LDLRAD2: variants seen among roughly 807,000 people sequenced by gnomAD.
LDLRAD2 encodes low density lipoprotein receptor class A domain containing 2, also known as low-density lipoprotein receptor class A domain-containing protein 2.
In LDLRAD2, 25 loss-of-function variants were observed where a neutral mutation model predicts 24.9. The observed-to-expected ratio is 1.00, with a 90% CI of 0.73 to 1.40. The LOEUF (loss-of-function observed/expected upper bound fraction) is 1.40, where lower values mean the gene tolerates loss of function less well. Ranked by LOEUF, LDLRAD2 falls within the 40% of genes most tolerant of loss-of-function variation. LDLRAD2 has a pLI of 0.00. For missense variants in LDLRAD2, 391 were observed against 366.2 expected (o/e 1.07, Z -0.55); for synonymous variants, 182 against 166.7 (o/e 1.09, Z -0.71).
intron 3 of LDLRAD2, among the ~76,000 whole-genome samples, chr1:21,819,387 A>G (rs2152678744): frequency 6.6e-6 from 1 of 152,114 alleles, no homozygotes; most frequent in East Asian, 1.9e-4. Flanking sequence ...AAAAGTTATT[A>G]TTAGTAACTT....
rs778244800 is a variant in LDLRAD2 at position 21,814,413 on chromosome 1, T to G, written c.101T>G (p.Leu34Arg). 45 of 1,601,860 alleles carry G rather than the reference T, an allele frequency of 2.8e-5. No individual in the cohort carries two copies. Among genetic ancestry groups the G allele is most frequent in the Non-Finnish European group, 3.7e-5 (44 of 1,173,932 alleles). The change falls in exon 2 of 5, where the codon CTG becomes CGG. Residue 34 changes from leucine to arginine, a missense_variant. By Grantham distance (102) the Leu-to-Arg change is moderately radical. Transcript: ENST00000344642. ...TCCGCTGCAGCCGACCTGGCGGAAC[T>G]GTGCGGGCAGACGTGGCAGGGGGAC... ...TALETADLAE[L>R]CGQTWQGDGL...
At chr1:21,815,031 G>T (rs1326234844) in intron 2 of LDLRAD2, among the ~76,000 whole-genome samples, 1 of 152,146 alleles carries the variant, frequency 6.6e-6, no homozygotes, top group African/African-American at 2.4e-5. Context: ...GATCCTAAGA[G>T]CCAACCATAT....
rs2097941708 is a variant in LDLRAD2, at chr1:21,814,497, C to T, written c.185C>T (p.Thr62Ile). The T allele has an allele frequency of 6.2e-7, 1 of 1,612,624 alleles. No homozygotes were observed. Among genetic ancestry groups the T allele is most frequent in the East Asian group, 2.2e-5 (1 of 44,850 alleles). ...SRRFYFVAPD[T>I]DCGLWVQAAA... Reference sequence around the variant, plus strand: ...AGGTTCTACTTCGTGGCTCCGGACACCGACTGCGGGCTCTGGGTGCAGGCG... The same window carrying T: ...AGGTTCTACTTCGTGGCTCCGGACATCGACTGCGGGCTCTGGGTGCAGGCG... Residue 62 changes from threonine to isoleucine, a missense_variant, in exon 2 of 5, where the codon ACC (threonine) becomes ATC (isoleucine). Physicochemically the swap from Thr to Ile is moderately conservative, Grantham distance 89 (BLOSUM62 -1). Transcript: ENST00000344642.
chr1:21,814,241 A>T (rs899213545), intron 1 of LDLRAD2, among the ~76,000 whole-genome samples, 157 bp from the exon 2 acceptor site: 1 of 152,210 alleles, frequency 6.6e-6, no homozygotes, highest in Non-Finnish European at 1.5e-5. Context: ...AATCCTTACA[A>T]TCATTCTGAG....
Position 21,822,283 on chromosome 1 carries a change from A to C in LDLRAD2, c.*68A>C. The stretch of plus-strand genomic sequence containing the variant: ...CCGTTTATTAAGAAAAATCAAGACA[A>C]AGACCACAGGAGGGTCCCTTCTAGG... On this transcript the variant is annotated 3_prime_UTR_variant, in exon 5 of 5. Transcript: ENST00000344642. The C allele has an allele frequency of 2.0e-6, 3 of 1,507,668 alleles. No individual in the cohort carries two copies. The highest frequency in any genetic ancestry group is 2.8e-6 in the Non-Finnish European group (3 of 1,084,020). The allele number at this position is 1,507,668 out of a possible 1,614,324, so 93.4% of individuals were successfully genotyped here.
Position 21,823,329 on chromosome 1 carries a change from G to A in LDLRAD2, c.*1114G>A, listed in dbSNP as rs774279128. 2 of 1,539,768 alleles carry A rather than the reference G, an allele frequency of 1.3e-6. No individual in the cohort carries two copies. Among genetic ancestry groups the A allele is most frequent in the Admixed American group, 2.0e-5 (1 of 51,124 alleles). On this transcript the variant is annotated 3_prime_UTR_variant, in exon 5 of 5. Coordinates refer to ENST00000344642, the MANE Select transcript of LDLRAD2 (RefSeq NM_001013693.3). ...GCAGGCAGGTGCCTACGAGGGGCAG[G>A]GGCGTGTGTTGGCCCCGGCCTGGGC... is the stretch of plus-strand genomic sequence containing the variant.
chr1:21,824,905 G>A lies in LDLRAD2; in HGVS notation c.*2690G>A. Reference sequence around the variant, plus strand: ...GGGGGCTCCGAGCCTGCAGTCCCTGGGGACCCACGGGGGCTGCCAACAGAA... The same window carrying A: ...GGGGGCTCCGAGCCTGCAGTCCCTGAGGACCCACGGGGGCTGCCAACAGAA... On this transcript the variant is annotated 3_prime_UTR_variant, in exon 5 of 5. Coordinates refer to ENST00000344642, the MANE Select transcript of LDLRAD2 (RefSeq NM_001013693.3). This position sits in a 1 kb window ranked among gnomAD's most constrained non-coding sequence, Gnocchi z 5.9. 1 of 835,212 alleles carries A rather than the reference G, an allele frequency of 1.2e-6. No individual in the cohort carries two copies. Among genetic ancestry groups the A allele is most frequent in the Non-Finnish European group, 2.0e-6 (1 of 497,856 alleles). 51.7% of individuals were successfully genotyped at this position (835,212 alleles called of 1,614,324 possible). A position where few individuals can be genotyped will look rare whatever the true frequency, so the allele number is the denominator to read the frequency against.
chr1:21,817,939 T>C lies in LDLRAD2; in HGVS notation c.643+1865T>C, dbSNP rs550236450. 2.2e-3 allele frequency among the ~76,000 whole-genome samples: 332 copies of C among 152,006 alleles called. 1 individual carries two copies. Among genetic ancestry groups the C allele is most frequent in the African/African-American group, 7.7e-3 (318 of 41,506 alleles). On this transcript the variant is annotated intron_variant, in intron 3 of 4. Coordinates refer to ENST00000344642, the MANE Select transcript of LDLRAD2 (RefSeq NM_001013693.3). ...CTAGGCTAGACAGACTGCAGTGGCG[T>C]GATCTCGGCTCACTGCAACCTCTGC...
chr1:21,824,448 G>T lies in LDLRAD2; in HGVS notation c.*2233G>T. 1 of 1,602,260 alleles carries T rather than the reference G, an allele frequency of 6.2e-7. No individual in the cohort carries two copies. Among genetic ancestry groups the T allele is most frequent in the South Asian group, 1.1e-5 (1 of 90,874 alleles). On this transcript the variant is annotated 3_prime_UTR_variant, in exon 5 of 5. Transcript: ENST00000344642. This position sits in a 1 kb window ranked among gnomAD's most constrained non-coding sequence, Gnocchi z 5.9. ...GAGGCTGCCGAGGCCAGGGGGCTCTGCTTTCCCCTCCCCCCACCACTCCGG... is the reference window on the plus strand; with the variant it reads ...GAGGCTGCCGAGGCCAGGGGGCTCTTCTTTCCCCTCCCCCCACCACTCCGG...
chr1:21,821,449 G>C lies in LDLRAD2; in HGVS notation c.644-1G>C. The C allele has an allele frequency of 6.2e-7, 1 of 1,614,104 alleles. No homozygotes were observed. Among genetic ancestry groups the C allele is most frequent in the Non-Finnish European group, 8.5e-7 (1 of 1,180,002 alleles). On this transcript the variant is annotated splice_acceptor_variant, in intron 3 of 4. Coordinates refer to ENST00000344642, the MANE Select transcript of LDLRAD2 (RefSeq NM_001013693.3). LOFTEE classifies it high-confidence loss of function. ...TGCTAGTTCTGTTCTTTCCCATGCA[G>C]GTCCCTCTCCGGTGCCCAGCCAGAC...
intron 1 of LDLRAD2, 37 bp from the exon 2 acceptor site, chr1:21,814,361 C>T: frequency 6.6e-7 from 1 of 1,522,388 alleles, no homozygotes; most frequent in South Asian, 1.3e-5. Context: ...TTCGGGGTCG[C>T]GCCGCGCGGC....
At position 21,823,586 on chromosome 1, in the gene LDLRAD2, C is replaced by T. The variant is rs1234205518; in HGVS notation, c.*1371C>T. The T allele has an allele frequency of 6.2e-7, 1 of 1,609,684 alleles. No homozygotes were observed. The highest frequency in any genetic ancestry group is 8.5e-7 in the Non-Finnish European group (1 of 1,176,390). On this transcript the variant is annotated 3_prime_UTR_variant, in exon 5 of 5. Coordinates refer to ENST00000344642, the MANE Select transcript of LDLRAD2 (RefSeq NM_001013693.3). The stretch of plus-strand genomic sequence containing the variant: ...AGCCCTAAGGGAGTGCCGTTCCTGC[C>T]CCTGCCCTGAGAAGGAGCCCCAGAC...
Position 21,821,493 on chromosome 1 carries a change from T to C in LDLRAD2, c.687T>C (p.His229=). ...GCCAGACAGGAAGTACAGATGCCCA[T>C]ACCTCCAGATCCCTGACTCCCTCCC... ...VPSQTGSTDA[H]TSRSLTPSPA... The change falls in exon 4 of 5, where the codon CAT becomes CAC. Residue 229 remains histidine, a synonymous_variant. Coordinates refer to ENST00000344642, the MANE Select transcript of LDLRAD2 (RefSeq NM_001013693.3). 6.2e-7 allele frequency: 1 copy of C among 1,614,096 alleles called. No homozygotes were observed.
intron 4 of LDLRAD2, 151 bp from the exon 5 acceptor site, chr1:21,822,051 A>ACAT: frequency 6.7e-7 from 1 of 1,487,874 alleles, no homozygotes; most frequent in Non-Finnish European, 8.9e-7. Flanking sequence ...CTGATGTTGG[A>ACAT]CAGGCCCCCT....
chr1:21,822,255 G>T lies in LDLRAD2; in HGVS notation c.*40G>T. On this transcript the variant is annotated 3_prime_UTR_variant, in exon 5 of 5. Coordinates refer to ENST00000344642, the MANE Select transcript of LDLRAD2 (RefSeq NM_001013693.3). ...ACTCAGGAGGCCCCTGGCGGGGATA[G>T]CACCGTTTATTAAGAAAAATCAAGA... 6.3e-7 allele frequency: 1 copy of T among 1,595,558 alleles called. No individual in the cohort carries two copies. Among genetic ancestry groups the T allele is most frequent in the Non-Finnish European group, 8.6e-7 (1 of 1,163,276 alleles).
At chr1:21,818,289 G>A (rs2097946329) in intron 3 of LDLRAD2, among the ~76,000 whole-genome samples, 1 of 152,210 alleles carries the variant, frequency 6.6e-6, no homozygotes, top group African/African-American at 2.4e-5. Context: ...TGGGATTACA[G>A]GCGTGAGCCT....
chr1:21,824,952 G>T lies in LDLRAD2; in HGVS notation c.*2737G>T. 1 of 671,236 alleles carries T rather than the reference G, an allele frequency of 1.5e-6. No individual in the cohort carries two copies. Among genetic ancestry groups the T allele is most frequent in the South Asian group, 1.6e-5 (1 of 61,064 alleles). 41.6% of individuals were successfully genotyped at this position (671,236 alleles called of 1,614,324 possible). The stretch of plus-strand genomic sequence containing the variant: ...AGAATTCAGGGAGCCTATGACCTTG[G>T]ATGGGAAAGCATTACACCTCAATTT... On this transcript the variant is annotated 3_prime_UTR_variant, in exon 5 of 5. Transcript: ENST00000344642. This position sits in a 1 kb window ranked among gnomAD's most constrained non-coding sequence, Gnocchi z 5.9.
Position 21,825,188 on chromosome 1 carries a change from TAAA to T in LDLRAD2, c.*2974_*2976del, listed in dbSNP as rs1446450490. ...CAGATCTTGTTATTTGATGTGTTAA[TAAA>T]GAAGCACATATATAGCAAGTCAGGA... is the stretch of plus-strand genomic sequence containing the variant. On this transcript the variant is annotated 3_prime_UTR_variant, in exon 5 of 5. Coordinates refer to ENST00000344642, the MANE Select transcript of LDLRAD2 (RefSeq NM_001013693.3). 4 of 277,294 alleles carry T rather than the reference TAAA, an allele frequency of 1.4e-5. No individual in the cohort carries two copies. The highest frequency in any genetic ancestry group is 2.8e-5 in the Non-Finnish European group (4 of 142,118). The allele number at this position is 277,294 out of a possible 1,614,324, so 17.2% of individuals were successfully genotyped here.
Position 21,814,617 on chromosome 1 carries a change from C to T in LDLRAD2, c.305C>T (p.Ala102Val), listed in dbSNP as rs758936752. The change falls in exon 2 of 5, where the codon GCC (alanine) becomes GTC (valine). Residue 102 changes from alanine (A) to valine (V), a missense_variant. Ala to Val is a moderately conservative substitution (Grantham distance 64, BLOSUM62 0). Coordinates refer to ENST00000344642, the MANE Select transcript of LDLRAD2 (RefSeq NM_001013693.3). ...APPALNTSSP[A>V]PADPCAPGSY... Reference sequence around the variant, plus strand: ...CCGGCGCTCAACACCTCCTCCCCGGCCCCGGCCGACCCGTGCGCCCCCGGC... The same window carrying T: ...CCGGCGCTCAACACCTCCTCCCCGGTCCCGGCCGACCCGTGCGCCCCCGGC... The T allele has an allele frequency of 1.9e-6, 3 of 1,609,440 alleles. No individual in the cohort carries two copies. The highest frequency in any genetic ancestry group is 1.1e-5 in the South Asian group (1 of 90,916).
Sources: allele counts gnomAD v4.1 joint callset (sites outside exome capture counted in the v4.1 genomes callset), GRCh38; gene constraint gnomAD v4.1.1; non-coding constraint Gnocchi (gnomAD v3.1); transcripts MANE v1.5; gene names NCBI Gene and HGNC (gene_info 2026-07-23, HGNC 2026-07-21).